The following COX15 variants were observed in gnomAD, a reference collection of about 807,000 sequenced individuals.
COX15 encodes the protein heme A synthase COX15.
Under a neutral mutation model 51.9 loss-of-function variants are expected in COX15, and 51 were observed. That is an observed-to-expected ratio of 0.98 (90% CI 0.78 to 1.24). The LOEUF is 1.24. COX15 is among the 50% of genes most tolerant of loss of function. The probability of loss-of-function intolerance (pLI) is 0.00; values close to 1 mark genes in which losing one functional copy is unlikely to be tolerated. For synonymous variants in COX15, 188 were observed against 190.5 expected (o/e 0.99, Z 0.11); for missense variants, 420 against 501.1 (o/e 0.84, Z 1.55).
Position 99,712,747 on chromosome 10 carries a change from G to T in COX15, c.*1840C>A. 1 of 425,624 alleles carries T rather than the reference G, an allele frequency of 2.3e-6. No homozygotes were observed. Among genetic ancestry groups the T allele is most frequent in the Non-Finnish European group, 3.1e-6 (1 of 318,402 alleles). The allele number at this position is 425,624 out of a possible 1,614,324, so 26.4% of individuals were successfully genotyped here. ...GGGGCACCTGCTCGCCAGTGTTACT[G>T]TCTCCATCAGCCTGACCCCAGTGAG... On this transcript the variant is annotated 3_prime_UTR_variant, in exon 9 of 9. Transcript: ENST00000016171.
chr10:99,716,595 G>A (rs2036588211), intron 7 of COX15, 134 bp from the exon 8 acceptor site: 1 of 658,608 alleles, frequency 1.5e-6, no homozygotes, highest in East Asian at 2.9e-5. Flanking sequence ...CCTCCCTGCA[G>A]TCCCAGCCTG....
intron 8 of COX15, among the ~76,000 whole-genome samples, chr10:99,715,454 A>C (rs1019493727): frequency 6.6e-6 from 1 of 152,080 alleles, no homozygotes; most frequent in Non-Finnish European, 1.5e-5. Flanking sequence ...TTTTTTAACT[A>C]TTTAGGTTGT....
chr10:99,704,546 G>A, the COX15 span: 4 of 1,614,030 alleles, frequency 2.5e-6, no homozygotes, highest in Non-Finnish European at 2.5e-6. Flanking sequence ...CTGTATCCTG[G>A]TGGTGCTACT....
chr10:99,709,709 G>C, downstream of COX15: 4 of 985,360 alleles, frequency 4.1e-6, no homozygotes, highest in Non-Finnish European at 4.8e-6. Context: ...CAGATGGCTT[G>C]TTCAAGCTTC....
the COX15 span, chr10:99,698,677 T>C: frequency 8.2e-5 from 132 of 1,614,042 alleles, no homozygotes; most frequent in Non-Finnish European, 4.7e-5. Context: ...TGTGGGGCAA[T>C]GCTGAGCCCC....
intron 7 of COX15, among the ~76,000 whole-genome samples, chr10:99,717,347 G>A (rs756692172): frequency 6.6e-6 from 1 of 152,118 alleles, no homozygotes; most frequent in Non-Finnish European, 1.5e-5. Context: ...CTTTATTCCT[G>A]ACAGCCAATC....
chr10:99,697,963 GC>G, the COX15 span: 1 of 156,266 alleles, frequency 6.4e-6, no homozygotes, highest in Non-Finnish European at 1.4e-5. Context: ...GGGAATCAAA[GC>G]TTTCCAGTCT....
chr10:99,700,902 C>A, the COX15 span: 1 of 1,245,326 alleles, frequency 8.0e-7, no homozygotes, highest in Non-Finnish European at 1.2e-6. Context: ...AATGGAACAG[C>A]TGTGACTGTG....
At chr10:99,704,849 TTC>T in the COX15 span, 6 of 650,720 alleles carry the variant, frequency 9.2e-6, no homozygotes, top group Non-Finnish European at 1.6e-5. Context: ...TACCCAGGTC[TTC>T]TCTGAGAGAA....
chr10:99,718,511 A>C lies in COX15; in HGVS notation c.833-11T>G, dbSNP rs746654907. 6.2e-7 allele frequency: 1 copy of C among 1,614,100 alleles called. No homozygotes were observed. The highest frequency in any genetic ancestry group is 8.5e-7 in the Non-Finnish European group (1 of 1,179,926). ...CTGCCACAAAAGCCCCTGTATTCCA[A>C]GGTAAATGGTATTTATTAAAATGAG... On this transcript the variant is annotated splice_polypyrimidine_tract_variant and intron_variant, in intron 6 of 8. Coordinates refer to ENST00000016171, the MANE Select transcript of COX15 (RefSeq NM_078470.6).
chr10:99,708,907 A>T (rs2036303727), downstream of COX15: 1 of 985,318 alleles, frequency 1.0e-6, no homozygotes, highest in South Asian at 4.7e-5. Context: ...TTTATAAAAC[A>T]GCTGGCCACA....
intron 7 of COX15, among the ~76,000 whole-genome samples, chr10:99,717,968 G>A (rs2133582318): frequency 6.6e-6 from 1 of 152,300 alleles, no homozygotes; most frequent in South Asian, 2.1e-4. Context: ...TTAGCTCCGA[G>A]AGCTACGTGC....
Position 99,714,115 on chromosome 10 carries a change from C to CA in COX15, c.*471_*472insT, listed in dbSNP as rs964902736. 1 of 820,582 alleles carries CA rather than the reference C, an allele frequency of 1.2e-6. No homozygotes were observed. Among genetic ancestry groups the CA allele is most frequent in the East Asian group, 1.1e-4 (1 of 9,422 alleles). 50.8% of individuals were successfully genotyped at this position (820,582 alleles called of 1,614,324 possible). A position where few individuals can be genotyped will look rare whatever the true frequency, so the allele number is the denominator to read the frequency against. On this transcript the variant is annotated 3_prime_UTR_variant, in exon 9 of 9. Transcript: ENST00000016171. ...AAATCAGGATATTAGAAGACATTAG[C>CA]TTTTTTTTTTTTGCTGAAGACCAGC...
At chr10:99,698,716 C>T in the COX15 span, 1 of 1,614,218 alleles carries the variant, frequency 6.2e-7, no homozygotes, top group Non-Finnish European at 8.5e-7. Flanking sequence ...ACCAGCCAGG[C>T]CTCACTCAAT....
At chr10:99,718,223 A>G in intron 7 of COX15, 123 bp downstream of exon 7, 1 of 1,089,974 alleles carries the variant, frequency 9.2e-7, no homozygotes, top group Non-Finnish European at 1.4e-6. Flanking sequence ...ATTTCTTCCA[A>G]AGAGAGCAGG....
At chr10:99,696,226 CCTT>C in the COX15 span, 13 of 1,380,348 alleles carry the variant, frequency 9.4e-6, no homozygotes, top group South Asian at 1.4e-5. Flanking sequence ...CCTGCTTCCT[CCTT>C]CTTTCTGACT....
At chr10:99,721,115 A>G (rs1371670325) in intron 5 of COX15, 47 bp from the exon 6 acceptor site, 3 of 1,499,196 alleles carry the variant, frequency 2.0e-6, no homozygotes, top group Non-Finnish European at 2.8e-6. Context: ...TGCAGGAACA[A>G]TGAGAGGCAG....
chr10:99,712,521 G>A lies in COX15; in HGVS notation c.*2066C>T. The A allele has an allele frequency of 1.0e-6, 1 of 985,352 alleles. No homozygotes were observed. The highest frequency in any genetic ancestry group is 4.7e-5 in the South Asian group (1 of 21,280). 61.0% of individuals were successfully genotyped at this position (985,352 alleles called of 1,614,324 possible). ...GCATCTCTTTTTGCTTTGTAAATGA[G>A]GTCAAGGATGAAATCCAGATGTTCT... is the stretch of plus-strand genomic sequence containing the variant. On this transcript the variant is annotated 3_prime_UTR_variant, in exon 9 of 9. Transcript: ENST00000016171.
At chr10:99,706,144 A>T (rs1329493241), downstream of COX15, 1 of 152,224 alleles carries the variant, frequency 6.6e-6, no homozygotes, top group Non-Finnish European at 1.5e-5. Context: ...TTCTTCAAAA[A>T]TAAATTTCAT....
Sources: allele counts gnomAD v4.1 joint callset (sites outside exome capture counted in the v4.1 genomes callset), GRCh38; gene constraint gnomAD v4.1.1; transcripts MANE v1.5; gene names NCBI Gene and HGNC (gene_info 2026-07-23, HGNC 2026-07-21).